The following SGTA variants were observed in gnomAD, a reference collection of about 807,000 sequenced individuals.
The protein encoded by SGTA is small glutamine-rich tetratricopeptide repeat-containing protein alpha.
In SGTA, 22 loss-of-function variants were observed where a neutral mutation model predicts 44.3. The ratio of observed to expected loss-of-function variants is 0.50; its 90% CI spans 0.36 to 0.71. SGTA has a LOEUF of 0.71. Ranked by LOEUF, SGTA falls within the 30% of genes least tolerant of loss-of-function variation. The pLI is 0.00. For missense variants in SGTA, 341 were observed against 435.9 expected (o/e 0.78, Z 1.94); for synonymous variants, 174 against 177.6 (o/e 0.98, Z 0.16).
intron 1 of SGTA, among the ~76,000 whole-genome samples, chr19:2,781,995 C>T (rs1320001113): frequency 6.6e-6 from 1 of 152,140 alleles, no homozygotes; most frequent in Admixed American, 6.5e-5. Flanking sequence ...GTGCACACCA[C>T]CATGCCCAGC....
intron 1 of SGTA, among the ~76,000 whole-genome samples, chr19:2,775,316 A>G (rs1915420265): frequency 6.6e-6 from 1 of 151,874 alleles, no homozygotes; most frequent in Non-Finnish European, 1.5e-5. Flanking sequence ...AACAGCCACC[A>G]CCCCCTAGAA....
Position 2,767,510 on chromosome 19 carries a change from G to C in SGTA, c.207+70C>G, listed in dbSNP as rs1478217097. 7.7e-7 allele frequency: 1 copy of C among 1,294,304 alleles called. No homozygotes were observed. Among genetic ancestry groups the C allele is most frequent in the Non-Finnish European group, 1.1e-6 (1 of 898,112 alleles). 80.2% of individuals were successfully genotyped at this position (1,294,304 alleles called of 1,614,324 possible). ...GGGACGATGAGAGCGGGGCTCCTGG[G>C]GTCCCCAGGGCTGCCTGCTGTTGCT... On this transcript the variant is annotated intron_variant, in intron 3 of 11. Coordinates refer to ENST00000221566, the MANE Select transcript of SGTA (RefSeq NM_003021.4). This position sits in a 1 kb window ranked among gnomAD's most constrained non-coding sequence, Gnocchi z 7.3.
rs1568308843 is a variant in SGTA, at chr19:2,763,514, A to T, written c.497+139T>A. Reference sequence around the variant, plus strand: ...TGTAGGGACTACGTTGGCTCCGAACAGCTAGTGTCAGAGTTGAACTGAACC... The same window carrying T: ...TGTAGGGACTACGTTGGCTCCGAACTGCTAGTGTCAGAGTTGAACTGAACC... On this transcript the variant is annotated intron_variant, in intron 6 of 11. Coordinates refer to ENST00000221566, the MANE Select transcript of SGTA (RefSeq NM_003021.4). This position sits in a 1 kb window ranked among gnomAD's most constrained non-coding sequence, Gnocchi z 5.8. The T allele has an allele frequency of 1.7e-6, 1 of 603,450 alleles. No individual in the cohort carries two copies. The highest frequency in any genetic ancestry group is 2.9e-6 in the Non-Finnish European group (1 of 343,588). The allele number at this position is 603,450 out of a possible 1,614,324, so 37.4% of individuals were successfully genotyped here.
At chr19:2,771,636 AGGCAGGTACGTGGACG>A (rs1915312548) in intron 1 of SGTA, among the ~76,000 whole-genome samples, 1 of 151,020 alleles carries the variant, frequency 6.6e-6, no homozygotes, top group Non-Finnish European at 1.5e-5. Context: ...ACCCCCACAC[AGGCAGGTACGTGGACG>A]GGTGCTGGTG....
At position 2,765,942 on chromosome 19, in the gene SGTA, G is replaced by C. The variant is rs1450780516; in HGVS notation, c.293-657C>G. Among the ~76,000 whole-genome samples the C allele has an allele frequency of 6.6e-6, 1 of 152,188 alleles. No individual in the cohort carries two copies. The highest frequency in any genetic ancestry group is 1.9e-4 in the East Asian group (1 of 5,196). Reference sequence around the variant, plus strand: ...CTTACGCTTTAAAAATATAAGCCCGGGCGCGGTGGCTCATGCTTATAATCC... The same window carrying C: ...CTTACGCTTTAAAAATATAAGCCCGCGCGCGGTGGCTCATGCTTATAATCC... On this transcript the variant is annotated intron_variant, in intron 4 of 11. Transcript: ENST00000221566. The surrounding 1 kb of genome is among the most constrained non-coding windows in gnomAD (Gnocchi z 5.5).
chr19:2,774,954 C>G (rs1344458234), intron 1 of SGTA, among the ~76,000 whole-genome samples: 1 of 152,200 alleles, frequency 6.6e-6, no homozygotes, highest in Admixed American at 6.5e-5. Flanking sequence ...TGTTGTCTCA[C>G]ATGGAGTGGG....
intron 1 of SGTA, among the ~76,000 whole-genome samples, chr19:2,776,710 T>A (rs1915452740): frequency 6.6e-6 from 1 of 152,236 alleles, no homozygotes. Context: ...GGCTCACGCC[T>A]GTAATCCCAG....
chr19:2,760,499 C>CA (rs373021360), intron 8 of SGTA, among the ~76,000 whole-genome samples: 1 of 116,018 alleles, frequency 8.6e-6, no homozygotes, highest in Admixed American at 1.2e-4. Context: ...ACCTGGGCGA[C>CA]AGAGCGAGAC....
chr19:2,755,550 G>A lies in SGTA; in HGVS notation c.*390C>T, dbSNP rs1313634546. 1.5e-5 allele frequency: 15 copies of A among 986,026 alleles called. No individual in the cohort carries two copies. The South Asian group carries it at 3.3e-4, about 22-fold the overall frequency. The allele number at this position is 986,026 out of a possible 1,614,324, so 61.1% of individuals were successfully genotyped here. A position where few individuals can be genotyped will look rare whatever the true frequency, so the allele number is the denominator to read the frequency against. Reference sequence around the variant, plus strand: ...GCAGACAGACCACGGGATGGGGGGCGGGGGCTGTAAAAGGCTTTGGAAGCC... The same window carrying A: ...GCAGACAGACCACGGGATGGGGGGCAGGGGCTGTAAAAGGCTTTGGAAGCC... On this transcript the variant is annotated 3_prime_UTR_variant, in exon 12 of 12. Coordinates refer to ENST00000221566, the MANE Select transcript of SGTA (RefSeq NM_003021.4). The surrounding 1 kb of genome is among the most constrained non-coding windows in gnomAD (Gnocchi z 5.2).
chr19:2,762,659 C>G lies in SGTA; in HGVS notation c.498-15G>C. On this transcript the variant is annotated splice_polypyrimidine_tract_variant and intron_variant, in intron 6 of 11. Coordinates refer to ENST00000221566, the MANE Select transcript of SGTA (RefSeq NM_003021.4). ...AGAGCGCCAGGCTGGAGGAGAGCACCGGGGATGGACTGTTCCCATCTGCCC... is the reference window on the plus strand; with the variant it reads ...AGAGCGCCAGGCTGGAGGAGAGCACGGGGGATGGACTGTTCCCATCTGCCC... 2 of 1,613,316 alleles carry G rather than the reference C, an allele frequency of 1.2e-6. No homozygotes were observed. Among genetic ancestry groups the G allele is most frequent in the East Asian group, 2.2e-5 (1 of 44,888 alleles).
intron 11 of SGTA, among the ~76,000 whole-genome samples, chr19:2,756,933 C>A (rs1476310027): frequency 6.6e-6 from 1 of 152,148 alleles, no homozygotes; most frequent in Non-Finnish European, 1.5e-5. Context: ...TCCTTTCCAC[C>A]ACTCGATGAC....
intron 8 of SGTA, chr19:2,759,642 T>C: frequency 3.5e-6 from 1 of 283,514 alleles, no homozygotes; most frequent in Non-Finnish European, 6.8e-6. Flanking sequence ...TTTAGCATAT[T>C]TGGTTCCAGT....
Position 2,767,013 on chromosome 19 carries a change from T to C in SGTA, c.292+123A>G. 1 of 750,790 alleles carries C rather than the reference T, an allele frequency of 1.3e-6. No individual in the cohort carries two copies. The highest frequency in any genetic ancestry group is 2.1e-5 in the Admixed American group (1 of 48,516). The allele number at this position is 750,790 out of a possible 1,614,324, so 46.5% of individuals were successfully genotyped here. On this transcript the variant is annotated intron_variant, in intron 4 of 11. Transcript: ENST00000221566. This position sits in a 1 kb window ranked among gnomAD's most constrained non-coding sequence, Gnocchi z 7.3. Reference sequence around the variant, plus strand: ...TCCCCGTCCCCACAAGCCAGCGTGCTGGTCATCAGGGCAATTCCCTCAGCT... The same window carrying C: ...TCCCCGTCCCCACAAGCCAGCGTGCCGGTCATCAGGGCAATTCCCTCAGCT...
Position 2,769,109 on chromosome 19 carries a change from AC to A in SGTA, c.-23-19del. The A allele has an allele frequency of 1.3e-6, 2 of 1,532,362 alleles. No individual in the cohort carries two copies. Among genetic ancestry groups the A allele is most frequent in the Non-Finnish European group, 9.0e-7 (1 of 1,111,644 alleles). The allele number at this position is 1,532,362 out of a possible 1,614,324, so 94.9% of individuals were successfully genotyped here. A position where few individuals can be genotyped will look rare whatever the true frequency, so the allele number is the denominator to read the frequency against. ...GGTGATACCTGGGGGTGCAGGAAAA[AC>A]CCCCATCAGGCCCCCTCACACTCCC... On this transcript the variant is annotated intron_variant, in intron 1 of 11. Coordinates refer to ENST00000221566, the MANE Select transcript of SGTA (RefSeq NM_003021.4).
chr19:2,781,430 G>T (rs191308085), intron 1 of SGTA, among the ~76,000 whole-genome samples: 1 of 152,314 alleles, frequency 6.6e-6, no homozygotes, highest in East Asian at 1.9e-4. Flanking sequence ...GTTCAACTGT[G>T]CCTTCTTAGC....
intron 1 of SGTA, chr19:2,777,966 G>A (rs567141654): frequency 6.7e-6 from 1 of 149,106 alleles, no homozygotes; most frequent in African/African-American, 2.5e-5. Flanking sequence ...GCACTGAGCT[G>A]AGATCGCACC....
At position 2,761,134 on chromosome 19, in the gene SGTA, G is replaced by T. The variant is rs989690691; in HGVS notation, c.699+326C>A. On this transcript the variant is annotated intron_variant, in intron 8 of 11. Transcript: ENST00000221566. The surrounding 1 kb of genome is among the most constrained non-coding windows in gnomAD (Gnocchi z 5.7). ...TGCGAGGAGGAGCCCACGCCAGGGT[G>T]GGGTGGGGGTGTGACCTCCCTGGGC... is the stretch of plus-strand genomic sequence containing the variant. Among the ~76,000 whole-genome samples the T allele has an allele frequency of 3.3e-5, 5 of 152,216 alleles. No individual in the cohort carries two copies. The highest frequency in any genetic ancestry group is 7.3e-5 in the Non-Finnish European group (5 of 68,042).
rs925398599 is a variant in SGTA, at chr19:2,771,538, C to T, written c.-23-2447G>A. Among the ~76,000 whole-genome samples, 37 of 148,312 alleles carry T rather than the reference C, an allele frequency of 2.5e-4. 1 individual carries two copies. The highest frequency in any genetic ancestry group is 9.3e-4 in the African/African-American group (37 of 39,970). ...TAACTCTGCTGAGCCTCAGTTTCCT[C>T]TTCTGTCCCCCATGGATGGCGACAG... On this transcript the variant is annotated intron_variant, in intron 1 of 11. Coordinates refer to ENST00000221566, the MANE Select transcript of SGTA (RefSeq NM_003021.4).
intron 1 of SGTA, among the ~76,000 whole-genome samples, chr19:2,773,616 G>A (rs1915365337): frequency 3.5e-5 from 1 of 28,320 alleles, no homozygotes; most frequent in Non-Finnish European, 5.4e-5. Flanking sequence ...CAGGGACTCC[G>A]AGGGCAGAGA....
Sources: allele counts gnomAD v4.1 joint callset (sites outside exome capture counted in the v4.1 genomes callset), GRCh38; gene constraint gnomAD v4.1.1; non-coding constraint Gnocchi (gnomAD v3.1); transcripts MANE v1.5; gene names NCBI Gene and HGNC (gene_info 2026-07-23, HGNC 2026-07-21).